CTNNBIP1: variants seen among roughly 807,000 people sequenced by gnomAD.
The protein encoded by CTNNBIP1 is beta-catenin-interacting protein 1.
CTNNBIP1 carries 7 observed loss-of-function variants against 11.8 expected under a neutral mutation model. The observed-to-expected ratio is 0.60, with a 90% confidence interval of 0.34 to 1.12. The LOEUF is 1.12. Among genes scored for constraint, CTNNBIP1 ranks in the 50% most tolerant of loss-of-function variants. The probability of loss-of-function intolerance (pLI) is 0.03; values close to 1 mark genes in which losing one functional copy is unlikely to be tolerated. For missense variants in CTNNBIP1, 101 were observed against 113.4 expected, an observed-to-expected ratio of 0.89 and a Z score of 0.50; for synonymous variants, 58 against 43.9, an observed-to-expected ratio of 1.32 and a Z score of -1.26.
intron 1 of CTNNBIP1, among the ~76,000 whole-genome samples, chr1:9,884,554 T>C (rs1639147812): frequency 6.6e-6 from 1 of 152,028 alleles, no homozygotes; most frequent in Non-Finnish European, 1.5e-5. Context: ...GGGGACCTGG[T>C]CACCAGTTCA....
chr1:9,888,220 C>T (rs1557760961), intron 1 of CTNNBIP1, among the ~76,000 whole-genome samples: 1 of 151,968 alleles, frequency 6.6e-6, no homozygotes, highest in Non-Finnish European at 1.5e-5. Context: ...CACTTGAGGC[C>T]AGGAGTTTGA....
chr1:9,889,292 C>T (rs1639248453), intron 1 of CTNNBIP1, among the ~76,000 whole-genome samples: 2 of 152,210 alleles, frequency 1.3e-5, no homozygotes, highest in African/African-American at 4.8e-5. Flanking sequence ...GCGATTCTGC[C>T]CCACGGCAGA....
chr1:9,866,903 G>A (rs1413386556), intron 5 of CTNNBIP1, among the ~76,000 whole-genome samples: 1 of 152,056 alleles, frequency 6.6e-6, no homozygotes, highest in Non-Finnish European at 1.5e-5. Flanking sequence ...GGGAGCCTTA[G>A]GATGGACTCA....
At chr1:9,864,969 C>T (rs185457631) in intron 5 of CTNNBIP1, among the ~76,000 whole-genome samples, 62 of 152,328 alleles carry the variant, frequency 4.1e-4, no homozygotes, top group Admixed American at 1.1e-3. Flanking sequence ...TGGCTCATGC[C>T]TATAATCCCA....
intron 2 of CTNNBIP1, among the ~76,000 whole-genome samples, chr1:9,881,400 C>CACGAT (rs549380373): frequency 3.3e-4 from 45 of 134,618 alleles, no homozygotes; most frequent in Admixed American, 2.4e-3. Flanking sequence ...AGTGTAATGG[C>CACGAT]ACGATCTCAG....
chr1:9,884,631 C>T (rs1639149203), intron 1 of CTNNBIP1, among the ~76,000 whole-genome samples: 2 of 152,148 alleles, frequency 1.3e-5, no homozygotes, highest in African/African-American at 4.8e-5. Context: ...GAAGCATTTG[C>T]TATGAATTGG....
At chr1:9,880,895 C>T (rs1054580564) in intron 2 of CTNNBIP1, among the ~76,000 whole-genome samples, 4 of 152,188 alleles carry the variant, frequency 2.6e-5, no homozygotes, top group African/African-American at 4.8e-5. Context: ...GGAGATAGAT[C>T]GTGACCTCTA....
At position 9,886,088 on chromosome 1, in the gene CTNNBIP1, TAAAC is replaced by T. The variant is rs1639182934; in HGVS notation, c.-143-2354_-143-2351del. ...ACAGTATGGGGGATGGGAGTAAAAA[TAAAC>T]AGTAAGAATTCAAAGGCTTTTAATA... On this transcript the variant is annotated intron_variant, in intron 1 of 5. Transcript: ENST00000377263. Among the ~76,000 whole-genome samples, 3 of 151,142 alleles carry T rather than the reference TAAAC, an allele frequency of 2.0e-5. No individual in the cohort carries two copies. In the South Asian group the frequency reaches 6.2e-4, roughly 31 times the overall value.
intron 1 of CTNNBIP1, among the ~76,000 whole-genome samples, chr1:9,902,386 C>T (rs774518835): frequency 3.4e-4 from 51 of 152,180 alleles, no homozygotes; most frequent in Non-Finnish European, 6.3e-4. Context: ...AGCATTTCTC[C>T]CTGACTGAAA....
chr1:9,874,103 C>T (rs1396949473), intron 3 of CTNNBIP1, among the ~76,000 whole-genome samples: 2 of 152,128 alleles, frequency 1.3e-5, no homozygotes, highest in Admixed American at 6.5e-5. Flanking sequence ...CCTCCCTCTC[C>T]AGCCTGTCTC....
chr1:9,879,437 G>A (rs1366969053), intron 2 of CTNNBIP1, among the ~76,000 whole-genome samples: 1 of 152,026 alleles, frequency 6.6e-6, no homozygotes, highest in African/African-American at 2.4e-5. Context: ...AGAGAAAGCG[G>A]GATTTCAAAA....
intron 1 of CTNNBIP1, among the ~76,000 whole-genome samples, chr1:9,888,167 A>C (rs1356174510): frequency 6.6e-6 from 1 of 152,032 alleles, no homozygotes; most frequent in Non-Finnish European, 1.5e-5. Context: ...ACAGTGGCTC[A>C]TGCCTGTAAT....
intron 1 of CTNNBIP1, among the ~76,000 whole-genome samples, chr1:9,889,986 C>T (rs1639268843): frequency 6.6e-6 from 1 of 152,150 alleles, no homozygotes; most frequent in Non-Finnish European, 1.5e-5. Flanking sequence ...AAGGAAGTGC[C>T]CCCCAGCCTT....
intron 2 of CTNNBIP1, among the ~76,000 whole-genome samples, chr1:9,879,350 G>C (rs1639036344): frequency 6.6e-6 from 1 of 152,104 alleles, no homozygotes; most frequent in South Asian, 2.1e-4. Flanking sequence ...ATGACAGCTT[G>C]GAAACCCACT....
At position 9,851,792 on chromosome 1, in the gene CTNNBIP1, A is replaced by C. The variant is rs199573465; in HGVS notation, c.188-1016T>G. Among the ~76,000 whole-genome samples, 1 of 152,126 alleles carries C rather than the reference A, an allele frequency of 6.6e-6. No individual in the cohort carries two copies. The highest frequency in any genetic ancestry group is 1.5e-5 in the Non-Finnish European group (1 of 68,022). On this transcript the variant is annotated intron_variant, in intron 5 of 5. Transcript: ENST00000377263. This position sits in a 1 kb window ranked among gnomAD's most constrained non-coding sequence, Gnocchi z 4.8. ...AGTGGCCAGGACAGGCAGTGGCAGG[A>C]GGGCAAAGCTCGAAATGCTGACCTG...
chr1:9,877,441 C>T (rs1219575133), intron 3 of CTNNBIP1, among the ~76,000 whole-genome samples: 2 of 152,190 alleles, frequency 1.3e-5, no homozygotes, highest in Non-Finnish European at 2.9e-5. Context: ...CGGTCTTGCA[C>T]CTGCTAGGAA....
Position 9,890,966 on chromosome 1 carries a change from A to G in CTNNBIP1, c.-143-7228T>C, listed in dbSNP as rs1639289528. Reference sequence around the variant, plus strand: ...TCTGGAGAGCATGGGTCACCTCCAGAGAGTGCGGGTCACCTCCAGAGAGTG... The same window carrying G: ...TCTGGAGAGCATGGGTCACCTCCAGGGAGTGCGGGTCACCTCCAGAGAGTG... On this transcript the variant is annotated intron_variant, in intron 1 of 5. Transcript: ENST00000377263. 2.0e-5 allele frequency among the ~76,000 whole-genome samples: 3 copies of G among 152,090 alleles called. No individual in the cohort carries two copies. In the South Asian group the frequency reaches 6.2e-4, roughly 32 times the overall value.
chr1:9,856,399 T>C (rs1469761196), intron 5 of CTNNBIP1, among the ~76,000 whole-genome samples: 1 of 152,112 alleles, frequency 6.6e-6, no homozygotes, highest in African/African-American at 2.4e-5. Flanking sequence ...TTAAAAACTT[T>C]TCTGTTTCAA....
intron 1 of CTNNBIP1, among the ~76,000 whole-genome samples, chr1:9,906,801 G>A (rs969087687): frequency 1.3e-5 from 2 of 152,210 alleles, no homozygotes; most frequent in Non-Finnish European, 2.9e-5. Context: ...GCAGGGGCAG[G>A]AGTCTTGGTG....
Sources: allele counts gnomAD v4.1 joint callset (sites outside exome capture counted in the v4.1 genomes callset), GRCh38; gene constraint gnomAD v4.1.1; non-coding constraint Gnocchi (gnomAD v3.1); transcripts MANE v1.5; gene names NCBI Gene and HGNC (gene_info 2026-07-23, HGNC 2026-07-21).